Variants in SELPLG observed in about 807,000 individuals in gnomAD.
SELPLG encodes the protein selectin P ligand, also known as P-selectin glycoprotein ligand 1.
SELPLG carries 2 observed loss-of-function variants against 1.1 expected under a neutral mutation model. That is an observed-to-expected ratio of 1.82 (90% CI 0.74 to 5.71). The LOEUF (loss-of-function observed/expected upper bound fraction) is 5.71, where lower values mean the gene tolerates loss of function less well. Among genes scored for constraint, SELPLG ranks in the 30% most tolerant of loss-of-function variants. SELPLG has a pLI of 0.05. For missense variants in SELPLG, 478 were observed against 524.7 expected (o/e 0.91, Z 0.87); for synonymous variants, 230 against 221.2 (o/e 1.04, Z -0.35).
At chr12:108,631,949 C>T (rs1459149103) in intron 1 of SELPLG, 1 of 1,535,224 alleles carries the variant, frequency 6.5e-7, no homozygotes, top group East Asian at 2.4e-5. Flanking sequence ...GGCCTAGGGT[C>T]ACCACGAACT....
At position 108,622,048 on chromosome 12, in the gene SELPLG, C is replaced by A. The variant is rs951663323; in HGVS notation, c.*1021G>T. On this transcript the variant is annotated 3_prime_UTR_variant, in exon 2 of 2. Coordinates refer to ENST00000550948, the MANE Select transcript of SELPLG (RefSeq NM_003006.4). ...GGGAAGGGGCAGCCCTCCCTTTGGC[C>A]CCCCATAGCCTGAACTTTTCCTGGT... Among the ~76,000 whole-genome samples the A allele has an allele frequency of 6.6e-6, 1 of 152,130 alleles. No individual in the cohort carries two copies. Among genetic ancestry groups the A allele is most frequent in the African/African-American group, 2.4e-5 (1 of 41,420 alleles).
In SELPLG at chr12:108,623,781, G is replaced by A. The variant is rs758649842; in HGVS notation, c.527C>T (p.Pro176Leu). 44 of 1,613,218 alleles carry A rather than the reference G, an allele frequency of 2.7e-5. 1 individual carries two copies. The highest frequency in any genetic ancestry group is 3.6e-5 in the Non-Finnish European group (42 of 1,179,758). The change falls in exon 2 of 2, where the codon CCA (proline) becomes CTA (leucine). Residue 176 changes from proline to leucine, a missense_variant. Pro to Leu is a moderately conservative substitution (Grantham distance 98). Coordinates refer to ENST00000550948, the MANE Select transcript of SELPLG (RefSeq NM_003006.4). Reference sequence around the variant, plus strand: ...AGTGGTCTGTGCTTCCGTGGCTGCTGGTGGAGTGGTCTGTGCCTCTGTGGC... The same window carrying A: ...AGTGGTCTGTGCTTCCGTGGCTGCTAGTGGAGTGGTCTGTGCCTCTGTGGC... ...LAATEAQTTPPAATEAQTTQP... is the reference protein window; with the variant it reads ...LAATEAQTTPLAATEAQTTQP...
In SELPLG at chr12:108,621,936, G is replaced by C. The variant is rs1172813895; in HGVS notation, c.*1133C>G. The stretch of plus-strand genomic sequence containing the variant: ...ACAGGAGGATAGATTGATGTTTAGA[G>C]GGATATTGGTCCGAGGTTTGGGGGG... On this transcript the variant is annotated 3_prime_UTR_variant, in exon 2 of 2. Coordinates refer to ENST00000550948, the MANE Select transcript of SELPLG (RefSeq NM_003006.4). 6.6e-6 allele frequency among the ~76,000 whole-genome samples: 1 copy of C among 152,160 alleles called. No homozygotes were observed. The highest frequency in any genetic ancestry group is 1.5e-5 in the Non-Finnish European group (1 of 68,026).
chr12:108,623,033 G>A lies in SELPLG; in HGVS notation c.*36C>T, dbSNP rs1236081304. ...CAGGGGTGGCCCAGGAGAGCCCGTG[G>A]AGGTGGGGTCTTGCCAAAACAGATG... On this transcript the variant is annotated 3_prime_UTR_variant, in exon 2 of 2. Transcript: ENST00000550948. 1 of 1,458,826 alleles carries A rather than the reference G, an allele frequency of 6.9e-7. No individual in the cohort carries two copies. Among genetic ancestry groups the A allele is most frequent in the South Asian group, 1.5e-5 (1 of 68,824 alleles). 90.4% of individuals were successfully genotyped at this position (1,458,826 alleles called of 1,614,324 possible).
intron 1 of SELPLG, among the ~76,000 whole-genome samples, chr12:108,633,390 A>G (rs1354846410): frequency 2.6e-5 from 4 of 152,092 alleles, no homozygotes; most frequent in African/African-American, 4.8e-5. Context: ...AGTCCCAGCT[A>G]CTCAGGAGGC....
At chr12:108,629,748 C>A (rs889393446) in intron 1 of SELPLG, among the ~76,000 whole-genome samples, 27 of 151,916 alleles carry the variant, frequency 1.8e-4, no homozygotes, top group African/African-American at 6.3e-4. Flanking sequence ...AAAGAAAACC[C>A]GAGGCTCTGA....
rs772465549 is a variant in SELPLG, at chr12:108,633,781, CAGA to C, written c.-50_-48del. On this transcript the variant is annotated 5_prime_UTR_variant, in exon 1 of 2. Transcript: ENST00000550948. Reference sequence around the variant, plus strand: ...GCATGGGACAGCTGCCTCGTGGGCCCAGAAGAAGTGGCTTCTCTGCTTTAGTGA... The same window carrying C: ...GCATGGGACAGCTGCCTCGTGGGCCCAGAAGTGGCTTCTCTGCTTTAGTGA... 1 of 152,300 alleles carries C rather than the reference CAGA, an allele frequency of 6.6e-6. No individual in the cohort carries two copies. The highest frequency in any genetic ancestry group is 1.5e-5 in the Non-Finnish European group (1 of 68,120). The allele number at this position is 152,300 out of a possible 1,614,324, so 9.4% of individuals were successfully genotyped here. A position where few individuals can be genotyped will look rare whatever the true frequency, so the allele number is the denominator to read the frequency against.
At position 108,623,185 on chromosome 12, in the gene SELPLG, C is replaced by A. The variant is rs530229175; in HGVS notation, c.1123G>T (p.Gly375Trp). The A allele has an allele frequency of 2.9e-5, 47 of 1,613,742 alleles. 1 individual carries two copies. In the South Asian group the frequency reaches 4.9e-4, roughly 17 times the overall value. ...CCCCCATTGGCTGTGGCAGAGGGCC[C>A]CTCACCCCCATCAGGCAACAGGGAT... ...ISSLLPDGGE[G>W]PSATANGGLS... Residue 375 changes from glycine (G) to tryptophan (W), a missense_variant, in exon 2 of 2, where the codon GGG becomes TGG. Gly to Trp is a radical substitution (Grantham distance 184, BLOSUM62 -2). Coordinates refer to ENST00000550948, the MANE Select transcript of SELPLG (RefSeq NM_003006.4).
Position 108,624,060 on chromosome 12 carries a change from A to G in SELPLG, c.248T>C (p.Val83Ala). The change falls in exon 2 of 2, where the codon GTG becomes GCG. Residue 83 changes from valine to alanine, a missense_variant. Physicochemically the swap from Val to Ala is moderately conservative, Grantham distance 64. Transcript: ENST00000550948. ...AGTAGAACGCCTTGCAGCAGGCTCC[A>G]CAGTGGTAGACTCAGGGGTTCCAGG... ...TGPGTPESTT[V>A]EPAARRSTGL... 6.2e-7 allele frequency: 1 copy of G among 1,614,218 alleles called. No individual in the cohort carries two copies. Among genetic ancestry groups the G allele is most frequent in the Non-Finnish European group, 8.5e-7 (1 of 1,180,034 alleles).
intron 1 of SELPLG, among the ~76,000 whole-genome samples, chr12:108,628,143 G>A (rs149662591): frequency 1.1e-3 from 173 of 152,008 alleles, no homozygotes; most frequent in African/African-American, 3.9e-3. Flanking sequence ...CACACCTATC[G>A]TCTCAGCTAC....
intron 1 of SELPLG, among the ~76,000 whole-genome samples, chr12:108,632,877 C>A (rs1046749909): frequency 6.6e-6 from 1 of 152,068 alleles, no homozygotes; most frequent in Non-Finnish European, 1.5e-5. Flanking sequence ...TATCTTAATT[C>A]TAATATTTTA....
chr12:108,632,150 T>G (rs2032069685), intron 1 of SELPLG: 1 of 553,802 alleles, frequency 1.8e-6, no homozygotes, highest in Non-Finnish European at 3.2e-6. Context: ...TCTCTGAGGT[T>G]TAACTCCCCT....
At chr12:108,631,954 C>T (rs919538750) in intron 1 of SELPLG, 33 of 1,534,928 alleles carry the variant, frequency 2.1e-5, no homozygotes, top group East Asian at 2.0e-4. Context: ...AGGGTCACCA[C>T]GAACTCCATG....
At chr12:108,624,460 T>A in intron 1 of SELPLG, 148 bp from the exon 2 acceptor site, 1 of 667,992 alleles carries the variant, frequency 1.5e-6, no homozygotes, top group Non-Finnish European at 2.5e-6. Context: ...CTGACATGCC[T>A]GGGATGGAGA....
intron 1 of SELPLG, among the ~76,000 whole-genome samples, chr12:108,629,851 A>G (rs1300298100): frequency 6.6e-6 from 1 of 152,142 alleles, no homozygotes; most frequent in Non-Finnish European, 1.5e-5. Flanking sequence ...CCTCCTTAAT[A>G]TTTGCTACAG....
chr12:108,633,255 A>T (rs2032092568), intron 1 of SELPLG, among the ~76,000 whole-genome samples: 1 of 152,206 alleles, frequency 6.6e-6, no homozygotes, highest in African/African-American at 2.4e-5. Flanking sequence ...CTGTAATTTC[A>T]GCACTTTGGG....
chr12:108,630,696 C>G (rs1053907715), intron 1 of SELPLG, among the ~76,000 whole-genome samples: 1 of 152,156 alleles, frequency 6.6e-6, no homozygotes. Context: ...TGGTAGCACC[C>G]GCTTTTTATG....
Position 108,623,758 on chromosome 12 carries a change from T to TG in SELPLG, c.549dup (p.Thr184HisfsTer173). 1 of 1,612,492 alleles carries TG rather than the reference T, an allele frequency of 6.2e-7. No homozygotes were observed. The highest frequency in any genetic ancestry group is 8.5e-7 in the Non-Finnish European group (1 of 1,179,616). ...TGTGCCTCCAGGCCTGTGGGTTGAG[T>TG]GGTCTGTGCTTCCGTGGCTGCTGGT... On this transcript the variant is annotated frameshift_variant, in exon 2 of 2. Transcript: ENST00000550948. LOFTEE classifies it low-confidence loss of function (END_TRUNC).
intron 1 of SELPLG, among the ~76,000 whole-genome samples, chr12:108,629,187 G>C (rs1643351342): frequency 6.6e-6 from 1 of 152,206 alleles, no homozygotes; most frequent in South Asian, 2.1e-4. Context: ...CATTCGGAAA[G>C]CCCAGACCTC....
Sources: allele counts gnomAD v4.1 joint callset (sites outside exome capture counted in the v4.1 genomes callset), GRCh38; gene constraint gnomAD v4.1.1; transcripts MANE v1.5; gene names NCBI Gene and HGNC (gene_info 2026-07-23, HGNC 2026-07-21).